The following SLC30A5 variants were observed in gnomAD, a reference collection of about 807,000 sequenced individuals.
The protein encoded by SLC30A5 is solute carrier family 30 member 5.
Under a neutral mutation model 79.6 loss-of-function variants are expected in SLC30A5, and 33 were observed. The observed-to-expected ratio is 0.41, with a 90% CI of 0.31 to 0.55. The LOEUF (loss-of-function observed/expected upper bound fraction) is 0.55, where lower values mean the gene tolerates loss of function less well. SLC30A5 is among the 20% of genes least tolerant of loss of function. SLC30A5 has a pLI of 0.20. For missense variants in SLC30A5, 788 were observed against 928.1 expected, an observed-to-expected ratio of 0.85 and a Z score of 1.96; for synonymous variants, 299 against 319.7, an observed-to-expected ratio of 0.94 and a Z score of 0.69.
intron 1 of SLC30A5, among the ~76,000 whole-genome samples, chr5:69,098,270 A>T (rs1745804366): frequency 6.6e-6 from 1 of 152,078 alleles, no homozygotes; most frequent in African/African-American, 2.4e-5. Flanking sequence ...CTGTAATCCT[A>T]GCACTTTGTT....
In SLC30A5 at chr5:69,131,041, C is replaced by A. The variant is rs1391771301; in HGVS notation, c.*1424C>A. 1 of 152,008 alleles carries A rather than the reference C, an allele frequency of 6.6e-6. No individual in the cohort carries two copies. The highest frequency in any genetic ancestry group is 2.4e-5 in the African/African-American group (1 of 41,388). 9.4% of individuals were successfully genotyped at this position (152,008 alleles called of 1,614,324 possible). ...TATTTTTTGGCCAAAATCTTCAATA[C>A]ATATTAAAATTTTTGAGTGGTGGGA... On this transcript the variant is annotated 3_prime_UTR_variant, in exon 16 of 16. Transcript: ENST00000396591.
rs1345819630 is a variant in SLC30A5 at position 69,116,144 on chromosome 5, A to G, written c.1002A>G (p.Ala334=). 1 of 1,614,070 alleles carries G rather than the reference A, an allele frequency of 6.2e-7. No homozygotes were observed. The highest frequency in any genetic ancestry group is 2.2e-5 in the East Asian group (1 of 44,892). The part of the protein sequence containing the change: ...ITDQLRAMNK[A]AHQESTEHVL... ...ACCAGCTTCGGGCTATGAACAAAGC[A>G]GCACACCAGGAGAGCACTGAACACG... The change falls in exon 9 of 16, where the codon GCA becomes GCG. Residue 334 remains alanine (A), a synonymous_variant. Coordinates refer to ENST00000396591, the MANE Select transcript of SLC30A5 (RefSeq NM_022902.5). The surrounding 1 kb of genome is among the most constrained non-coding windows in gnomAD (Gnocchi z 4.0).
At chr5:69,107,333 C>T (rs934668936) in intron 4 of SLC30A5, among the ~76,000 whole-genome samples, 1 of 152,130 alleles carries the variant, frequency 6.6e-6, no homozygotes, top group Non-Finnish European at 1.5e-5. Flanking sequence ...TCTGGGGTAC[C>T]TCCTGAAGGA....
intron 10 of SLC30A5, 39 bp from the exon 11 acceptor site, chr5:69,117,200 C>T: frequency 1.9e-6 from 3 of 1,560,932 alleles, no homozygotes; most frequent in Non-Finnish European, 2.6e-6. Context: ...GAAACAGTGC[C>T]CAACATACTC....
chr5:69,113,657 T>C (rs778376544), intron 6 of SLC30A5, among the ~76,000 whole-genome samples: 38 of 152,210 alleles, frequency 2.5e-4, no homozygotes, highest in Non-Finnish European at 4.1e-4. Context: ...TTATTATCTC[T>C]AGCTCAGCCC....
chr5:69,110,658 C>A (rs1299335518), intron 5 of SLC30A5, among the ~76,000 whole-genome samples: 1 of 151,006 alleles, frequency 6.6e-6, no homozygotes, highest in Non-Finnish European at 1.5e-5. Context: ...TGGAAAAAAT[C>A]ACAAAGGGAA....
At chr5:69,103,844 G>A (rs1378782209) in intron 3 of SLC30A5, 20 of 777,902 alleles carry the variant, frequency 2.6e-5, no homozygotes, top group African/African-American at 3.7e-5. Flanking sequence ...ACAAACCTGC[G>A]TCATAATTTT....
intron 1 of SLC30A5, among the ~76,000 whole-genome samples, chr5:69,097,539 C>T (rs1745781942): frequency 6.6e-6 from 1 of 152,154 alleles, no homozygotes; most frequent in Non-Finnish European, 1.5e-5. Context: ...ATAATCATGG[C>T]TCACTGCAAT....
At chr5:69,108,691 G>A (rs753143977) in intron 5 of SLC30A5, among the ~76,000 whole-genome samples, 2 of 151,806 alleles carry the variant, frequency 1.3e-5, no homozygotes, top group Non-Finnish European at 2.9e-5. Context: ...GCATGGTGGT[G>A]GGCACCTGTA....
chr5:69,094,898 A>C (rs1468146534), intron 1 of SLC30A5, among the ~76,000 whole-genome samples: 1 of 152,150 alleles, frequency 6.6e-6, no homozygotes, highest in Non-Finnish European at 1.5e-5. Context: ...TCTAAACAGC[A>C]AAGCAATTCA....
At chr5:69,123,803 C>T (rs182079602) in intron 14 of SLC30A5, among the ~76,000 whole-genome samples, 4 of 152,006 alleles carry the variant, frequency 2.6e-5, no homozygotes, top group South Asian at 2.1e-4. Flanking sequence ...GAAGAGTTAG[C>T]GCTTGAGAAT....
rs1746818067 is a variant in SLC30A5 at position 69,130,336 on chromosome 5, T to C, written c.*719T>C. ...CTAAGTTGTGTCCATGTTATTCATT[T>C]ACTTACCATGTTCCTTTAAAGTAGA... On this transcript the variant is annotated 3_prime_UTR_variant, in exon 16 of 16. Transcript: ENST00000396591. 2 of 152,208 alleles carry C rather than the reference T, an allele frequency of 1.3e-5. No homozygotes were observed. 9.4% of individuals were successfully genotyped at this position (152,208 alleles called of 1,614,324 possible).
rs5868569 is a variant in SLC30A5 at position 69,108,821 on chromosome 5, C to CAA, written c.447+405_447+406dup. The stretch of plus-strand genomic sequence containing the variant: ...TGGGCAATAGAGTGAGACTCAGCCT[C>CAA]AAAAAAAAAAAAAAAAAAAAATTCC... On this transcript the variant is annotated intron_variant, in intron 5 of 15. Transcript: ENST00000396591. Among the ~76,000 whole-genome samples the CAA allele has an allele frequency of 7.4e-3, 733 of 98,966 alleles. 10 individuals are homozygous for CAA. The highest frequency in any genetic ancestry group is 0.01 in the Middle Eastern group (2 of 198). The allele number at this position is 98,966 out of a possible 152,430, so 64.9% of individuals were successfully genotyped here.
At chr5:69,118,325 G>GTA (rs755334727) in intron 11 of SLC30A5, 174 bp from the exon 12 acceptor site, 19 of 192,146 alleles carry the variant, frequency 9.9e-5, no homozygotes, top group Middle Eastern at 2.0e-3. Flanking sequence ...ATATATATAT[G>GTA]TATATATATA....
rs1205978859 is a variant in SLC30A5 at position 69,121,907 on chromosome 5, C to T, written c.1771+12C>T. The T allele has an allele frequency of 6.2e-7, 1 of 1,603,720 alleles. No homozygotes were observed. The highest frequency in any genetic ancestry group is 1.1e-5 in the South Asian group (1 of 90,178). On this transcript the variant is annotated intron_variant, in intron 13 of 15. Transcript: ENST00000396591. ...TGCTAACATGAGGGGTGAGTCCTTG[C>T]AAAATATTATCCTACTTTTCAACTG...
Position 69,115,220 on chromosome 5 carries a change from T to C in SLC30A5, c.613-17T>C, listed in dbSNP as rs372840241. 8.8e-6 allele frequency: 14 copies of C among 1,589,222 alleles called. No homozygotes were observed. Among genetic ancestry groups the C allele is most frequent in the African/African-American group, 6.8e-5 (5 of 73,880 alleles). On this transcript the variant is annotated splice_polypyrimidine_tract_variant and intron_variant, in intron 7 of 15. Coordinates refer to ENST00000396591, the MANE Select transcript of SLC30A5 (RefSeq NM_022902.5). ...CTGTGTGTGTTTCTAATGAGACTTA[T>C]CTAATTTTACTCACAGGGTGGAGTA...
intron 13 of SLC30A5, 57 bp from the exon 14 acceptor site, chr5:69,123,142 A>G: frequency 7.8e-7 from 1 of 1,282,272 alleles, no homozygotes; most frequent in African/African-American, 1.5e-5. Context: ...AGAATGTATT[A>G]AAAAACTAAA....
At chr5:69,105,614 C>T (rs190370573) in intron 4 of SLC30A5, among the ~76,000 whole-genome samples, 2 of 152,140 alleles carry the variant, frequency 1.3e-5, no homozygotes, top group East Asian at 1.9e-4. Flanking sequence ...GCCGAGATCA[C>T]GCCACTGCAC....
At chr5:69,124,396 TG>T (rs1746620232) in intron 14 of SLC30A5, among the ~76,000 whole-genome samples, 1 of 152,122 alleles carries the variant, frequency 6.6e-6, no homozygotes, top group South Asian at 2.1e-4. Flanking sequence ...ATAGCAAAGA[TG>T]GTATTTTAGA....
Sources: gnomAD v4.1 joint callset for allele counts (sites outside exome capture counted in the v4.1 genomes callset) on GRCh38, gnomAD v4.1.1 for gene constraint, Gnocchi (gnomAD v3.1) non-coding constraint, MANE v1.5 for transcripts, NCBI Gene and HGNC (gene_info 2026-07-23, HGNC 2026-07-21) for gene names.